SCMH1: variants seen among roughly 807,000 people sequenced by gnomAD.
SCMH1 encodes Scm polycomb group protein homolog 1.
Under a neutral mutation model 70.8 loss-of-function variants are expected in SCMH1, and 37 were observed. The observed-to-expected ratio is 0.52, with a 90% confidence interval of 0.40 to 0.69. The LOEUF (loss-of-function observed/expected upper bound fraction) is 0.69. Among genes scored for constraint, SCMH1 ranks in the 30% least tolerant of loss-of-function variants. The probability of loss-of-function intolerance (pLI) is 0.00; values close to 1 mark genes in which losing one functional copy is unlikely to be tolerated. For synonymous variants in SCMH1, 292 were observed against 307.4 expected, an observed-to-expected ratio of 0.95 and a Z score of 0.52; for missense variants, 607 against 827.3, an observed-to-expected ratio of 0.73 and a Z score of 3.27.
At chr1:41,217,491 G>A (rs564069941) in intron 1 of SCMH1, among the ~76,000 whole-genome samples, 2 of 152,276 alleles carry the variant, frequency 1.3e-5, no homozygotes, top group African/African-American at 4.8e-5. Flanking sequence ...CAGGGCCAGG[G>A]CAAGGGTATA....
At chr1:41,221,456 T>A (rs532522088) in intron 1 of SCMH1, among the ~76,000 whole-genome samples, 12 of 150,618 alleles carry the variant, frequency 8.0e-5, no homozygotes, top group Admixed American at 2.6e-4. Flanking sequence ...AGTTCAAGAC[T>A]AGCCTAGGCA....
At position 41,054,136 on chromosome 1, in the gene SCMH1, G is replaced by A. The variant is rs574413367; in HGVS notation, c.1106-5246C>T. 2.6e-5 allele frequency among the ~76,000 whole-genome samples: 4 copies of A among 152,236 alleles called. No homozygotes were observed. In the East Asian group the frequency reaches 7.7e-4, roughly 29 times the overall value. ...TGGGATTACAGGTGTGAACCACCGCGCCCGGCCTAAAGGTTCTTAATGAGG... is the reference window on the plus strand; with the variant it reads ...TGGGATTACAGGTGTGAACCACCGCACCCGGCCTAAAGGTTCTTAATGAGG... On this transcript the variant is annotated intron_variant, in intron 10 of 14. Transcript: ENST00000337495.
At chr1:41,029,187 A>G (rs1644165167) in intron 13 of SCMH1, among the ~76,000 whole-genome samples, 1 of 152,160 alleles carries the variant, frequency 6.6e-6, no homozygotes, top group Non-Finnish European at 1.5e-5. Flanking sequence ...ACCTCATTAC[A>G]GCCTGATACA....
intron 8 of SCMH1, among the ~76,000 whole-genome samples, chr1:41,081,596 T>C (rs542666375): frequency 1.1e-4 from 16 of 152,284 alleles, no homozygotes; most frequent in Admixed American, 4.6e-4. Context: ...GGCAGGAGGA[T>C]TGCTTGAGGC....
At chr1:41,137,088 G>A (rs913107893) in intron 6 of SCMH1, among the ~76,000 whole-genome samples, 2 of 152,132 alleles carry the variant, frequency 1.3e-5, no homozygotes, top group African/African-American at 4.8e-5. Context: ...GCCAGGACCA[G>A]TACTTTGAAT....
rs956203796 is a variant in SCMH1 at position 41,233,364 on chromosome 1, A to T, written c.-118+8695T>A. On this transcript the variant is annotated intron_variant, in intron 1 of 14. Coordinates refer to ENST00000337495, the Ensembl canonical transcript of SCMH1. ...GAAAAATCCACTAAACTAGCAAGCT[A>T]AGTTTTATCTTTATCAAAACCAGAA... Among the ~76,000 whole-genome samples the T allele has an allele frequency of 3.3e-5, 5 of 152,194 alleles. No individual in the cohort carries two copies. The East Asian group carries it at 9.6e-4, about 29-fold the overall frequency.
chr1:41,176,590 A>G (rs1325982932), intron 2 of SCMH1, among the ~76,000 whole-genome samples: 1 of 152,204 alleles, frequency 6.6e-6, no homozygotes, highest in Admixed American at 6.5e-5. Flanking sequence ...CAAACGGCAC[A>G]CCAGGAGATT....
At chr1:41,100,698 TG>T (rs1409824491) in intron 8 of SCMH1, among the ~76,000 whole-genome samples, 1 of 151,984 alleles carries the variant, frequency 6.6e-6, no homozygotes, top group Admixed American at 6.6e-5. Flanking sequence ...CCCAAGTAGC[TG>T]GGACTACAGG....
At chr1:41,100,231 A>C (rs946014744) in intron 8 of SCMH1, among the ~76,000 whole-genome samples, 2 of 152,144 alleles carry the variant, frequency 1.3e-5, no homozygotes, top group Non-Finnish European at 2.9e-5. Flanking sequence ...GTTTATCAAA[A>C]CCCGGGTATG....
chr1:41,154,935 T>C (rs1645386067), intron 4 of SCMH1, among the ~76,000 whole-genome samples: 1 of 152,138 alleles, frequency 6.6e-6, no homozygotes, highest in Non-Finnish European at 1.5e-5. Flanking sequence ...TGGTATATGA[T>C]GAGACACAAC....
chr1:41,030,721 TTA>T (rs1157490693), intron 13 of SCMH1, among the ~76,000 whole-genome samples: 2 of 152,334 alleles, frequency 1.3e-5, no homozygotes, highest in Non-Finnish European at 2.9e-5. Flanking sequence ...CTCATTTATT[TTA>T]TGTTTCTTAT....
intron 9 of SCMH1, among the ~76,000 whole-genome samples, chr1:41,073,485 T>C (rs1028806759): frequency 3.9e-5 from 6 of 152,208 alleles, no homozygotes; most frequent in African/African-American, 1.4e-4. Flanking sequence ...AAGGCAAAAA[T>C]GAATTAGGAG....
chr1:41,233,554 T>A (rs1661726851), intron 1 of SCMH1, among the ~76,000 whole-genome samples: 1 of 152,206 alleles, frequency 6.6e-6, no homozygotes, highest in Admixed American at 6.5e-5. Context: ...ATCTTCTTCA[T>A]AATTAAATGA....
intron 10 of SCMH1, among the ~76,000 whole-genome samples, chr1:41,053,283 TA>T (rs1330282020): frequency 1.3e-5 from 2 of 152,002 alleles, no homozygotes; most frequent in Admixed American, 1.3e-4. Context: ...GGTGATGATT[TA>T]AAAAAATCTA....
At chr1:41,117,564 C>T (rs949633898) in intron 6 of SCMH1, among the ~76,000 whole-genome samples, 3 of 151,982 alleles carry the variant, frequency 2.0e-5, no homozygotes, top group African/African-American at 4.8e-5. Context: ...GGCCTGACGT[C>T]AGTCAGGCCC....
intron 13 of SCMH1, among the ~76,000 whole-genome samples, chr1:41,035,289 C>T (rs1645129081): frequency 1.3e-5 from 2 of 152,192 alleles, no homozygotes; most frequent in Non-Finnish European, 2.9e-5. Context: ...CTCCCCCTTC[C>T]TCCCAGCTCT....
intron 2 of SCMH1, among the ~76,000 whole-genome samples, chr1:41,177,160 T>C (rs1051449127): frequency 7.2e-5 from 11 of 152,194 alleles, no homozygotes; most frequent in African/African-American, 1.9e-4. Flanking sequence ...CAAACTCCGA[T>C]AGACCTGCAG....
At chr1:41,169,260 C>T (rs1646627829) in intron 2 of SCMH1, among the ~76,000 whole-genome samples, 1 of 152,170 alleles carries the variant, frequency 6.6e-6, no homozygotes, top group Admixed American at 6.5e-5. Flanking sequence ...TTGGATTTAT[C>T]ACTGAGATTA....
At chr1:41,155,319 C>A (rs1245592873) in intron 4 of SCMH1, among the ~76,000 whole-genome samples, 1 of 152,130 alleles carries the variant, frequency 6.6e-6, no homozygotes, top group Non-Finnish European at 1.5e-5. Context: ...ATTCATTCAG[C>A]AAATATTTAC....
Sources: allele counts gnomAD v4.1 joint callset (sites outside exome capture counted in the v4.1 genomes callset), GRCh38; gene constraint gnomAD v4.1.1; transcripts MANE v1.5; gene names NCBI Gene and HGNC (gene_info 2026-07-23, HGNC 2026-07-21).